Variants in PDE3B observed in about 807,000 individuals in gnomAD.
The protein encoded by PDE3B is cGMP-inhibited 3',5'-cyclic phosphodiesterase 3B.
A neutral mutation model predicts 116.8 loss-of-function variants in PDE3B; 66 were observed. The observed-to-expected ratio is 0.56, with a 90% CI of 0.46 to 0.69. The LOEUF (loss-of-function observed/expected upper bound fraction) is 0.69, where lower values mean the gene tolerates loss of function less well. Among genes scored for constraint, PDE3B ranks in the 30% least tolerant of loss-of-function variants. The pLI is 0.00. For missense variants in PDE3B, 1,384 were observed against 1,368.1 expected, an observed-to-expected ratio of 1.01 and a Z score of -0.18; for synonymous variants, 595 against 533.6, an observed-to-expected ratio of 1.12 and a Z score of -1.59.
chr11:14,770,231 C>G lies in PDE3B; in HGVS notation c.979-1706C>G, dbSNP rs559852833. ...ATATCGTATGGCTCTGTTTTCACTCCTGTCTATTCTAGACATCTATTCGTG... is the reference window on the plus strand; with the variant it reads ...ATATCGTATGGCTCTGTTTTCACTCGTGTCTATTCTAGACATCTATTCGTG... On this transcript the variant is annotated intron_variant, in intron 1 of 15. Coordinates refer to ENST00000282096, the MANE Select transcript of PDE3B (RefSeq NM_000922.4). Among the ~76,000 whole-genome samples, 30 of 151,300 alleles carry G rather than the reference C, an allele frequency of 2.0e-4. No homozygotes were observed. In the East Asian group the frequency reaches 5.6e-3, roughly 28 times the overall value.
chr11:14,771,862 A>C, intron 1 of PDE3B, 75 bp from the exon 2 acceptor site: 1 of 571,108 alleles, frequency 1.8e-6, no homozygotes, highest in Non-Finnish European at 3.0e-6. Flanking sequence ...TTATAATTGA[A>C]AATGCTGAAT....
At chr11:14,654,604 A>T (rs1016764790) in intron 1 of PDE3B, among the ~76,000 whole-genome samples, 1 of 152,176 alleles carries the variant, frequency 6.6e-6, no homozygotes, top group Admixed American at 6.5e-5. Context: ...CTAAACAAAC[A>T]CTGTTATTAT....
rs1369913640 is a variant in PDE3B, at chr11:14,644,629, C to T, written c.554C>T (p.Ala185Val). The T allele has an allele frequency of 1.6e-5, 24 of 1,518,418 alleles. No homozygotes were observed. In the Admixed American group the frequency reaches 4.0e-4, roughly 26 times the overall value. 94.1% of individuals were successfully genotyped at this position (1,518,418 alleles called of 1,614,324 possible). A position where few individuals can be genotyped will look rare whatever the true frequency, so the allele number is the denominator to read the frequency against. The change falls in exon 1 of 16, where the codon GCC becomes GTC. Residue 185 changes from alanine (A) to valine (V), a missense_variant. Around this residue, in one of 2 missense-constraint regions of PDE3B, gnomAD observed 956 missense variants for 806.8 expected, o/e 1.18. Coordinates refer to ENST00000282096, the MANE Select transcript of PDE3B (RefSeq NM_000922.4). ...GGGGATGGCGACGCAGGGTCCGCGG[C>T]CCCGCACACGCCCCCGGAGGCGGCA... ...PWGDGDAGSA[A>V]PHTPPEAAAG...
intron 3 of PDE3B, among the ~76,000 whole-genome samples, chr11:14,788,701 T>A (rs1487919402): frequency 6.6e-6 from 1 of 151,984 alleles, no homozygotes; most frequent in African/African-American, 2.4e-5. Context: ...AAGTAAATTC[T>A]ATAGCACTGT....
intron 1 of PDE3B, among the ~76,000 whole-genome samples, chr11:14,702,685 C>G (rs893888969): frequency 6.6e-6 from 1 of 151,842 alleles, no homozygotes; most frequent in African/African-American, 2.4e-5. Flanking sequence ...ATTAGAGATT[C>G]AGTTTGCATT....
Position 14,854,704 on chromosome 11 carries a change from A to C in PDE3B, c.2521-4339A>C, listed in dbSNP as rs1185518427. Among the ~76,000 whole-genome samples the C allele has an allele frequency of 9.9e-5, 15 of 152,182 alleles. No homozygotes were observed. In the East Asian group the frequency reaches 2.9e-3, roughly 29 times the overall value. On this transcript the variant is annotated intron_variant, in intron 12 of 15. Transcript: ENST00000282096. ...GCTAATTTTTGTATTTTTAGTAGAG[A>C]TGGGGTTTCACCATGTTGGCCAGGA...
chr11:14,659,663 C>T (rs528839008), intron 1 of PDE3B, among the ~76,000 whole-genome samples: 137 of 152,266 alleles, frequency 9.0e-4, no homozygotes, highest in African/African-American at 3.0e-3. Context: ...CCTCCCACTC[C>T]GGTAGGCCCC....
intron 11 of PDE3B, among the ~76,000 whole-genome samples, chr11:14,836,190 T>G (rs963388690): frequency 1.3e-5 from 2 of 152,210 alleles, no homozygotes; most frequent in African/African-American, 4.8e-5. Flanking sequence ...TTTCTTCAAC[T>G]TTTTTGTTTT....
At chr11:14,809,209 T>A (rs566289860) in intron 5 of PDE3B, among the ~76,000 whole-genome samples, 1 of 152,224 alleles carries the variant, frequency 6.6e-6, no homozygotes, top group Admixed American at 6.5e-5. Context: ...GAAGTTACCA[T>A]ATGACCCAGA....
chr11:14,726,187 C>T (rs1856301209), intron 1 of PDE3B, among the ~76,000 whole-genome samples: 1 of 152,282 alleles, frequency 6.6e-6, no homozygotes, highest in Non-Finnish European at 1.5e-5. Flanking sequence ...CCCTGACCAC[C>T]CTATATAAAT....
At chr11:14,780,780 TC>T (rs1857966248) in intron 2 of PDE3B, among the ~76,000 whole-genome samples, 1 of 151,928 alleles carries the variant, frequency 6.6e-6, no homozygotes, top group African/African-American at 2.4e-5. Context: ...GCAAACACAT[TC>T]AAAAGCTAGC....
intron 1 of PDE3B, among the ~76,000 whole-genome samples, chr11:14,688,716 A>T (rs73412619): frequency 0.13 from 20,037 of 151,880 alleles, 1,522 homozygotes; most frequent in African/African-American, 0.2. Context: ...GATTCCAGAT[A>T]AGTTATTACA....
intron 12 of PDE3B, among the ~76,000 whole-genome samples, chr11:14,854,571 G>A (rs1847814532): frequency 6.6e-6 from 1 of 151,176 alleles, no homozygotes; most frequent in Admixed American, 6.6e-5. Flanking sequence ...AGGCTGGAGT[G>A]CAGTGGCACG....
chr11:14,650,186 C>T (rs994232262), intron 1 of PDE3B, among the ~76,000 whole-genome samples: 6 of 151,300 alleles, frequency 4.0e-5, no homozygotes, highest in Admixed American at 6.6e-5. Flanking sequence ...TTTCATACAA[C>T]TTGCATTCAG....
At chr11:14,733,610 T>C (rs1330127283) in intron 1 of PDE3B, among the ~76,000 whole-genome samples, 3 of 152,196 alleles carry the variant, frequency 2.0e-5, no homozygotes, top group Non-Finnish European at 4.4e-5. Flanking sequence ...ACTTTAACAT[T>C]TGTTTTTCCT....
At position 14,859,266 on chromosome 11, in the gene PDE3B, G is replaced by C. The variant is rs1555006691; in HGVS notation, c.2724+20G>C. The stretch of plus-strand genomic sequence containing the variant: ...GCCAAGGTTTGTTATGAAAATTAGT[G>C]CCTGATTTAAAAAATCTTTATTGTC... On this transcript the variant is annotated intron_variant, in intron 13 of 15. Coordinates refer to ENST00000282096, the MANE Select transcript of PDE3B (RefSeq NM_000922.4). 1.3e-6 allele frequency: 2 copies of C among 1,547,406 alleles called. No homozygotes were observed. The highest frequency in any genetic ancestry group is 1.8e-6 in the Non-Finnish European group (2 of 1,132,710).
At chr11:14,872,531 C>T (rs557980128), downstream of PDE3B, among the ~76,000 whole-genome samples, 3 of 152,144 alleles carry the variant, frequency 2.0e-5, no homozygotes, top group South Asian at 6.2e-4. Context: ...TAATGAAGGG[C>T]CTTGTAAAAC....
chr11:14,694,140 G>C (rs767569890), intron 1 of PDE3B, among the ~76,000 whole-genome samples: 6 of 152,152 alleles, frequency 3.9e-5, no homozygotes, highest in African/African-American at 7.2e-5. Flanking sequence ...TTGAACATAT[G>C]AGTAGTTACT....
chr11:14,696,280 G>GT (rs1447595808), intron 1 of PDE3B, among the ~76,000 whole-genome samples: 1 of 151,990 alleles, frequency 6.6e-6, no homozygotes, highest in African/African-American at 2.4e-5. Flanking sequence ...GCTGTTTTTC[G>GT]TATGTCTGTT....
Sources: gnomAD v4.1 joint callset for allele counts (sites outside exome capture counted in the v4.1 genomes callset) on GRCh38, gnomAD v4.1.1 for gene constraint, gnomAD v4.1.1 regional missense constraint, MANE v1.5 for transcripts, NCBI Gene and HGNC (gene_info 2026-07-23, HGNC 2026-07-21) for gene names.